The following FDFT1 variants were observed in gnomAD, a reference collection of about 807,000 sequenced individuals.
The protein encoded by FDFT1 is squalene synthase.
FDFT1 carries 68 observed loss-of-function variants against 46.8 expected under a neutral mutation model. The observed-to-expected ratio is 1.45, with a 90% CI of 1.19 to 1.78. The LOEUF (loss-of-function observed/expected upper bound fraction) is 1.78. FDFT1 is among the 40% of genes most tolerant of loss of function. The pLI, the probability that FDFT1 is intolerant of heterozygous loss-of-function variation, is 0.00. For missense variants in FDFT1, 928 were observed against 524.4 expected (o/e 1.77, Z -7.52); for synonymous variants, 351 against 185.1 (o/e 1.90, Z -7.28).
chr8:11,828,602 GCA>G (rs1810337529), intron 5 of FDFT1, among the ~76,000 whole-genome samples: 1 of 152,236 alleles, frequency 6.6e-6, no homozygotes, highest in Admixed American at 6.5e-5. Flanking sequence ...ACACCATCTT[GCA>G]CACACAGGAG....
chr8:11,835,931 C>T (rs1173823180), intron 7 of FDFT1, among the ~76,000 whole-genome samples: 6 of 133,790 alleles, frequency 4.5e-5, no homozygotes, highest in East Asian at 2.3e-4. Context: ...GTCAGGAGTG[C>T]GAAACCAGCC....
chr8:11,813,699 C>T (rs773366720), intron 3 of FDFT1, among the ~76,000 whole-genome samples: 1 of 152,214 alleles, frequency 6.6e-6, no homozygotes, highest in East Asian at 1.9e-4. Flanking sequence ...TCTCCATTAT[C>T]CCTGTGAACT....
chr8:11,800,410 C>T (rs1202457301), upstream of FDFT1, among the ~76,000 whole-genome samples: 2 of 151,952 alleles, frequency 1.3e-5, no homozygotes, highest in Admixed American at 6.6e-5. Context: ...CATTTATAAC[C>T]TGACTCGTCC....
At chr8:11,803,152 A>C (rs1293594554) in intron 1 of FDFT1, 2 of 1,425,310 alleles carry the variant, frequency 1.4e-6, no homozygotes, top group Admixed American at 5.2e-5. Flanking sequence ...CGCCCTGGGC[A>C]TGAGCGACTT....
intron 2 of FDFT1, 39 bp downstream of exon 2, chr8:11,808,930 C>T: frequency 6.2e-7 from 1 of 1,600,572 alleles, no homozygotes; most frequent in Admixed American, 1.7e-5. Context: ...TGGAGGAAAG[C>T]TTGTCCGGGA....
chr8:11,836,293 A>C (rs1011318444), intron 7 of FDFT1, among the ~76,000 whole-genome samples: 3 of 152,154 alleles, frequency 2.0e-5, no homozygotes, highest in Admixed American at 6.5e-5. Context: ...AGTGTGTGAG[A>C]CCCTGTGTGT....
upstream of FDFT1, chr8:11,797,852 C>G (rs1198363680): frequency 6.6e-6 from 1 of 152,178 alleles, no homozygotes; most frequent in Non-Finnish European, 1.5e-5. Flanking sequence ...GTACTGTAGC[C>G]TGTTCGGGGG....
At chr8:11,804,817 G>A (rs1016647261) in intron 1 of FDFT1, among the ~76,000 whole-genome samples, 1 of 151,452 alleles carries the variant, frequency 6.6e-6, no homozygotes, top group Non-Finnish European at 1.5e-5. Flanking sequence ...CCATGTTGGT[G>A]AGGCTGGTTT....
At chr8:11,822,173 G>T (rs191733145) in intron 4 of FDFT1, among the ~76,000 whole-genome samples, 1 of 152,200 alleles carries the variant, frequency 6.6e-6, no homozygotes, top group Non-Finnish European at 1.5e-5. Context: ...ACATAAGGTA[G>T]GGTTAGGAGT....
intron 3 of FDFT1, among the ~76,000 whole-genome samples, chr8:11,819,108 G>C (rs1341087872): frequency 6.6e-6 from 1 of 152,108 alleles, no homozygotes; most frequent in Non-Finnish European, 1.5e-5. Flanking sequence ...TCCTTCACTT[G>C]TGAAACTTAG....
intron 1 of FDFT1, 88 bp downstream of exon 1, chr8:11,803,019 G>T (rs1008302011): frequency 1.3e-6 from 2 of 1,512,922 alleles, no homozygotes; most frequent in Non-Finnish European, 1.8e-6. Flanking sequence ...CGGATCTGGG[G>T]CAAGGGGCGC....
At chr8:11,835,129 C>T (rs1293322) in intron 7 of FDFT1, among the ~76,000 whole-genome samples, 29,377 of 152,072 alleles carry the variant, frequency 0.19, 3,209 homozygotes, top group Middle Eastern at 0.27. Flanking sequence ...TTTCTCAAAC[C>T]CCTCAAGTAT....
chr8:11,817,673 C>G (rs997805470), intron 3 of FDFT1, among the ~76,000 whole-genome samples: 15 of 152,180 alleles, frequency 9.9e-5, no homozygotes, highest in Non-Finnish European at 1.2e-4. Context: ...ATAGTATTCT[C>G]CAGTGGTAGT....
At chr8:11,833,179 C>T (rs1811084258) in intron 7 of FDFT1, among the ~76,000 whole-genome samples, 1 of 152,134 alleles carries the variant, frequency 6.6e-6, no homozygotes, top group South Asian at 2.1e-4. Flanking sequence ...AAAATTGCTA[C>T]CAATGAGACT....
rs1230588910 is a variant in FDFT1 at position 11,802,863 on chromosome 8, G to A, written c.31G>A (p.Glu11Lys). The change falls in exon 1 of 8, where the codon GAA becomes AAA. Residue 11 changes from glutamate (E) to lysine (K), a missense_variant. Physicochemically the swap from Glu to Lys is moderately conservative, Grantham distance 56. Transcript: ENST00000220584. The stretch of plus-strand genomic sequence containing the variant: ...GTTCGTGAAATGCCTTGGCCACCCC[G>A]AAGAGTTCTACAACCTGGTGCGCTT... MEFVKCLGHP[E>K]EFYNLVRFRI... is the part of the protein sequence containing the mutation. 1 of 1,612,108 alleles carries A rather than the reference G, an allele frequency of 6.2e-7. No individual in the cohort carries two copies. The highest frequency in any genetic ancestry group is 2.2e-5 in the East Asian group (1 of 44,834).
chr8:11,812,068 C>G (rs1286620215), intron 3 of FDFT1, among the ~76,000 whole-genome samples: 1 of 152,214 alleles, frequency 6.6e-6, no homozygotes, highest in Non-Finnish European at 1.5e-5. Context: ...ACCTTGGCCT[C>G]ACACACAGTA....
intron 1 of FDFT1, among the ~76,000 whole-genome samples, chr8:11,796,548 G>A (rs966948648): frequency 6.6e-6 from 1 of 152,344 alleles, no homozygotes; most frequent in Non-Finnish European, 1.5e-5. Flanking sequence ...GACACTCCGA[G>A]GCAGGCAGGG....
At chr8:11,833,731 G>T (rs1012054997) in intron 7 of FDFT1, among the ~76,000 whole-genome samples, 1 of 152,188 alleles carries the variant, frequency 6.6e-6, no homozygotes, top group Non-Finnish European at 1.5e-5. Flanking sequence ...TGTGACGGCC[G>T]AGTTGAGGAG....
intron 3 of FDFT1, among the ~76,000 whole-genome samples, chr8:11,815,842 C>A (rs752406076): frequency 6.6e-6 from 1 of 152,108 alleles, no homozygotes; most frequent in Non-Finnish European, 1.5e-5. Flanking sequence ...ATGATAGTTT[C>A]TTTTGCTGTG....
Sources: allele counts gnomAD v4.1 joint callset (sites outside exome capture counted in the v4.1 genomes callset), GRCh38; gene constraint gnomAD v4.1.1; transcripts MANE v1.5; gene names NCBI Gene and HGNC (gene_info 2026-07-23, HGNC 2026-07-21).